The following AKAP6 variants were observed in gnomAD, a reference collection of about 807,000 sequenced individuals.
The protein encoded by AKAP6 is A-kinase anchoring protein 6.
Under a neutral mutation model 188.5 loss-of-function variants are expected in AKAP6, and 58 were observed. The ratio of observed to expected loss-of-function variants is 0.31; its 90% CI spans 0.25 to 0.38. The LOEUF (loss-of-function observed/expected upper bound fraction) is 0.38, where lower values mean the gene tolerates loss of function less well. AKAP6 is among the 10% of genes least tolerant of loss of function. The pLI, the probability that AKAP6 is intolerant of heterozygous loss-of-function variation, is 1.00. For missense variants in AKAP6, 2,710 were observed against 2,740.0 expected (o/e 0.99, Z 0.24); for synonymous variants, 989 against 998.6 (o/e 0.99, Z 0.18).
At chr14:32,610,452 T>G (rs1476153040) in intron 7 of AKAP6, among the ~76,000 whole-genome samples, 3 of 152,208 alleles carry the variant, frequency 2.0e-5, no homozygotes, top group Non-Finnish European at 2.9e-5. Flanking sequence ...ATATTTAAAA[T>G]GTAACTACAA....
At chr14:32,699,084 C>T (rs189452104) in intron 9 of AKAP6, among the ~76,000 whole-genome samples, 1 of 152,190 alleles carries the variant, frequency 6.6e-6, no homozygotes, top group Admixed American at 6.5e-5. Flanking sequence ...TTAGAAATGT[C>T]AGGTTAGATA....
In AKAP6 at chr14:32,824,266, T is replaced by C. The variant is rs142508778; in HGVS notation, c.6453T>C (p.Asp2151=). ...TTDSGLDDKE[D]IECFFEACVE... ...ACTCGGGCTTAGATGACAAGGAAGA[T>C]ATTGAATGCTTTTTTGAGGCCTGTG... Residue 2151 remains aspartate (D), a synonymous_variant, in exon 13 of 14, where the codon GAT becomes GAC. Transcript: ENST00000280979. The C allele has an allele frequency of 5.9e-4, 945 of 1,613,948 alleles. 2 individuals are homozygous for C. Among genetic ancestry groups the C allele is most frequent in the Middle Eastern group, 2.5e-3 (15 of 6,062 alleles).
chr14:32,461,032 G>T (rs1891305605), intron 2 of AKAP6, among the ~76,000 whole-genome samples: 1 of 152,210 alleles, frequency 6.6e-6, no homozygotes, highest in Non-Finnish European at 1.5e-5. Context: ...TCCTCACTGG[G>T]CAGGGCATCT....
chr14:32,800,163 C>CACATATATATACATATATATAT (rs1566720856), intron 12 of AKAP6, among the ~76,000 whole-genome samples: 4 of 52,688 alleles, frequency 7.6e-5, no homozygotes, highest in Admixed American at 1.7e-4. Context: ...CATATATATA[C>CACATATATATACATATATATAT]ACATATATAT....
intron 2 of AKAP6, among the ~76,000 whole-genome samples, chr14:32,461,083 C>G (rs1234213991): frequency 6.6e-6 from 1 of 152,228 alleles, no homozygotes; most frequent in African/African-American, 2.4e-5. Flanking sequence ...CAGACAAAAC[C>G]TCCATGTCCC....
chr14:32,822,698 A>T lies in AKAP6; in HGVS notation c.4885A>T (p.Ser1629Cys). The T allele has an allele frequency of 6.2e-7, 1 of 1,613,984 alleles. No homozygotes were observed. The highest frequency in any genetic ancestry group is 8.5e-7 in the Non-Finnish European group (1 of 1,179,950). The change falls in exon 13 of 14, where the codon AGT (serine) becomes TGT (cysteine). Residue 1629 changes from serine (S) to cysteine (C), a missense_variant. By Grantham distance (112) the Ser-to-Cys change is moderately radical (BLOSUM62 -1). This residue lies in a region of AKAP6 where 2,473 missense variants were observed against 2,426.1 expected (regional missense o/e 1.02). Coordinates refer to ENST00000280979, the MANE Select transcript of AKAP6 (RefSeq NM_004274.5). Reference protein sequence around the residue: ...SVSSGSVGELSKRTLDLLNRL... With the variant: ...SVSSGSVGELCKRTLDLLNRL... ...GAGCAGTGGCTCAGTTGGTGAACTA[A>T]GTAAAAGAACATTAGATCTCCTGAA...
intron 1 of AKAP6, among the ~76,000 whole-genome samples, chr14:32,336,147 T>G (rs1304729463): frequency 6.6e-6 from 1 of 152,074 alleles, no homozygotes; most frequent in Non-Finnish European, 1.5e-5. Context: ...AATCTATTAA[T>G]CTACAGATTT....
chr14:32,516,690 A>G (rs1341134299), intron 2 of AKAP6, among the ~76,000 whole-genome samples: 1 of 152,190 alleles, frequency 6.6e-6, no homozygotes, highest in Non-Finnish European at 1.5e-5. Context: ...ACTATAGAAG[A>G]TATTAGGTAA....
At chr14:32,554,760 A>G (rs138672557) in intron 4 of AKAP6, among the ~76,000 whole-genome samples, 15 of 152,282 alleles carry the variant, frequency 9.9e-5, no homozygotes, top group African/African-American at 3.4e-4. Flanking sequence ...TATAATTCCT[A>G]TGGGAGCTGA....
chr14:32,535,480 C>G (rs1317774505), intron 2 of AKAP6, 74 bp from the exon 3 acceptor site: 3 of 1,515,418 alleles, frequency 2.0e-6, no homozygotes, highest in Non-Finnish European at 2.7e-6. Context: ...TAAGAGTGTA[C>G]TTTTCTACTA....
rs541128137 is a variant in AKAP6 at position 32,665,004 on chromosome 14, T to C, written c.2731-13307T>C. Among the ~76,000 whole-genome samples the C allele has an allele frequency of 2.8e-4, 43 of 152,268 alleles. 1 individual carries two copies. In the South Asian group the frequency reaches 7.0e-3, roughly 25 times the overall value. ...GTGAAGAATATTGAAATTCATGTAC[T>C]TGGAGATGTTCTGTGTTAAGATATG... On this transcript the variant is annotated intron_variant, in intron 7 of 13. Coordinates refer to ENST00000280979, the MANE Select transcript of AKAP6 (RefSeq NM_004274.5).
At chr14:32,567,329 A>G (rs1884240833) in intron 4 of AKAP6, among the ~76,000 whole-genome samples, 1 of 152,200 alleles carries the variant, frequency 6.6e-6, no homozygotes, top group Non-Finnish European at 1.5e-5. Flanking sequence ...TCTAATCTCT[A>G]TGGGAACCTT....
chr14:32,538,570 C>A (rs1882786673), intron 3 of AKAP6, among the ~76,000 whole-genome samples: 1 of 151,874 alleles, frequency 6.6e-6, no homozygotes, highest in African/African-American at 2.4e-5. Flanking sequence ...AAAAAATTGG[C>A]CAATACCTTA....
At chr14:32,379,081 G>T (rs796891938) in intron 1 of AKAP6, among the ~76,000 whole-genome samples, 1 of 151,856 alleles carries the variant, frequency 6.6e-6, no homozygotes, top group Non-Finnish European at 1.5e-5. Context: ...ACCACGCCTG[G>T]CTACTTTTTT....
chr14:32,615,014 C>CA (rs1464911818), intron 7 of AKAP6, among the ~76,000 whole-genome samples: 1 of 151,126 alleles, frequency 6.6e-6, no homozygotes, highest in Admixed American at 6.6e-5. Flanking sequence ...ACTAAAAATA[C>CA]AAAAATTAGC....
chr14:32,708,945 G>C (rs1358238758), intron 9 of AKAP6, among the ~76,000 whole-genome samples: 1 of 152,030 alleles, frequency 6.6e-6, no homozygotes, highest in Non-Finnish European at 1.5e-5. Flanking sequence ...CCCATTCTGT[G>C]AAGTAATGTC....
chr14:32,820,834 G>T (rs1483325600), intron 12 of AKAP6, among the ~76,000 whole-genome samples: 2 of 151,950 alleles, frequency 1.3e-5, no homozygotes. Context: ...CACAGAGGAA[G>T]GGGGGGTACA....
chr14:32,392,117 G>A (rs1390761481), intron 1 of AKAP6, among the ~76,000 whole-genome samples: 2 of 152,284 alleles, frequency 1.3e-5, no homozygotes, highest in East Asian at 1.9e-4. Context: ...TAACAACAGT[G>A]AATGGGATAG....
chr14:32,773,543 C>T (rs2032960257), intron 11 of AKAP6, 135 bp from the exon 12 acceptor site: 1 of 826,190 alleles, frequency 1.2e-6, no homozygotes, highest in African/African-American at 1.7e-5. Context: ...AAAGGGACAT[C>T]AGAGCTCTTC....
Sources: allele counts gnomAD v4.1 joint callset (sites outside exome capture counted in the v4.1 genomes callset), GRCh38; gene constraint gnomAD v4.1.1; regional missense constraint gnomAD v4.1.1; transcripts MANE v1.5; gene names NCBI Gene and HGNC (gene_info 2026-07-23, HGNC 2026-07-21).